IARS2: variants seen among roughly 807,000 people sequenced by gnomAD.
The protein encoded by IARS2 is isoleucine--tRNA ligase, mitochondrial.
Under a neutral mutation model 126.3 loss-of-function variants are expected in IARS2, and 56 were observed. That is an observed-to-expected ratio of 0.44 (90% CI 0.36 to 0.55). The LOEUF (loss-of-function observed/expected upper bound fraction) is 0.55. Among genes scored for constraint, IARS2 ranks in the 20% least tolerant of loss-of-function variants. The pLI is 0.00. For synonymous variants in IARS2, 407 were observed against 441.1 expected (o/e 0.92, Z 0.97); for missense variants, 1,127 against 1,245.9 (o/e 0.90, Z 1.44).
intron 1 of IARS2, 90 bp from the exon 2 acceptor site, chr1:220,096,014 G>A (rs1273746595): frequency 1.4e-6 from 1 of 703,802 alleles, no homozygotes; most frequent in African/African-American, 1.8e-5. Context: ...AATTGGAATG[G>A]AAATAAGCAA....
intron 10 of IARS2, 114 bp downstream of exon 10, chr1:220,107,265 T>C: frequency 1.4e-6 from 1 of 692,116 alleles, no homozygotes. Context: ...ATAAATTATG[T>C]CTTGTTTTGC....
intron 9 of IARS2, among the ~76,000 whole-genome samples, chr1:220,106,569 T>A (rs1656684986): frequency 6.6e-6 from 1 of 152,196 alleles, no homozygotes; most frequent in South Asian, 2.1e-4. Flanking sequence ...ATAACACATT[T>A]TGGCTTTGGT....
At chr1:220,126,229 C>T (rs184202726) in intron 13 of IARS2, among the ~76,000 whole-genome samples, 29 of 152,148 alleles carry the variant, frequency 1.9e-4, no homozygotes, top group African/African-American at 7.0e-4. Context: ...GAGCCGAGAT[C>T]GCGCCATTGC....
At chr1:220,103,605 T>G (rs1323023416) in intron 8 of IARS2, 43 bp downstream of exon 8, 1 of 1,247,650 alleles carries the variant, frequency 8.0e-7, no homozygotes. Flanking sequence ...ATCAAAGTAT[T>G]GGGCTGACTT....
chr1:220,116,626 G>T (rs1253223146), intron 12 of IARS2, among the ~76,000 whole-genome samples: 1 of 152,126 alleles, frequency 6.6e-6, no homozygotes, highest in Non-Finnish European at 1.5e-5. Context: ...TGGATCTGAG[G>T]TAAGACTTTA....
rs1571845860 is a variant in IARS2, at chr1:220,103,534, A to G, written c.1038A>G (p.Thr346=). The G allele has an allele frequency of 3.1e-6, 5 of 1,611,876 alleles. No individual in the cohort carries two copies. The highest frequency in any genetic ancestry group is 1.3e-5 in the African/African-American group (1 of 74,900). The stretch of plus-strand genomic sequence containing the variant: ...CATCTGTTGCTTCTACTTTGGAAAC[A>G]ACATTTGAGACTATTTCAACACTTT... ...KVASVASTLE[T]TFETISTLSG... Residue 346 remains threonine, a synonymous_variant, in exon 8 of 23, where the codon ACA becomes ACG. Transcript: ENST00000366922.
intron 21 of IARS2, among the ~76,000 whole-genome samples, chr1:220,145,083 GAAAA>G (rs111581991): frequency 1.6e-5 from 2 of 124,394 alleles, no homozygotes; most frequent in East Asian, 4.6e-4. Flanking sequence ...AATGATACAT[GAAAA>G]AAAAAAAAAA....
rs756001525 is a variant in IARS2 at position 220,126,760 on chromosome 1, C to A, written c.1754C>A (p.Pro585His). Residue 585 changes from proline to histidine, a missense_variant, in exon 14 of 23, where the codon CCT (proline) becomes CAT (histidine). Transcript: ENST00000366922. Reference sequence around the variant, plus strand: ...GCATTATCTTACTAGGTTGGTGGCCCTGATGCCTTGGAATATGTGCCAGGT... The same window carrying A: ...GCATTATCTTACTAGGTTGGTGGCCATGATGCCTTGGAATATGTGCCAGGT... Reference protein sequence around the residue: ...PKEVLSEVGGPDALEYVPGQD... With the variant: ...PKEVLSEVGGHDALEYVPGQD... 8 of 1,612,906 alleles carry A rather than the reference C, an allele frequency of 5.0e-6. No individual in the cohort carries two copies. The East Asian group carries it at 1.8e-4, about 36-fold the overall frequency.
In IARS2 at chr1:220,107,433, AG is replaced by A. The variant is rs140723606; in HGVS notation, c.1327+285del. Among the ~76,000 whole-genome samples the A allele has an allele frequency of 2.1e-3, 320 of 152,334 alleles. 1 individual carries two copies. Among genetic ancestry groups the A allele is most frequent in the African/African-American group, 6.7e-3 (280 of 41,570 alleles). ...TTTGTGGAAGGATACAATCAAGATC[AG>A]GGCTGGATGTTGACTGTAAATTACA... On this transcript the variant is annotated intron_variant, in intron 10 of 22. Transcript: ENST00000366922.
In IARS2 at chr1:220,101,303, A is replaced by G. The variant is rs1001127991; in HGVS notation, c.550+654A>G. On this transcript the variant is annotated intron_variant, in intron 3 of 22. Coordinates refer to ENST00000366922, the MANE Select transcript of IARS2 (RefSeq NM_018060.4). ...GTATAAAGTCTGGAAAATACAGAAG[A>G]CAGTAATAAAATTTTAACTTTTGCA... is the stretch of plus-strand genomic sequence containing the variant. Among the ~76,000 whole-genome samples, 5 of 152,360 alleles carry G rather than the reference A, an allele frequency of 3.3e-5. No homozygotes were observed. In the East Asian group the frequency reaches 9.6e-4, roughly 29 times the overall value.
Position 220,112,236 on chromosome 1 carries a change from G to A in IARS2, c.1479+1299G>A, listed in dbSNP as rs890587443. Among the ~76,000 whole-genome samples, 2 of 80,628 alleles carry A rather than the reference G, an allele frequency of 2.5e-5. 1 individual carries two copies. The highest frequency in any genetic ancestry group is 1.1e-4 in the African/African-American group (2 of 18,754). The allele number at this position is 80,628 out of a possible 152,430, so 52.9% of individuals were successfully genotyped here. On this transcript the variant is annotated intron_variant, in intron 11 of 22. Coordinates refer to ENST00000366922, the MANE Select transcript of IARS2 (RefSeq NM_018060.4). Reference sequence around the variant, plus strand: ...TGCAAGCTCCGCTTCCCGGGTTCACGCCATTCTCCTGCCTCAGCCTCCCGA... The same window carrying A: ...TGCAAGCTCCGCTTCCCGGGTTCACACCATTCTCCTGCCTCAGCCTCCCGA...
In IARS2 at chr1:220,147,709, A is replaced by G. The variant is rs1657633854; in HGVS notation, c.*74A>G. On this transcript the variant is annotated 3_prime_UTR_variant, in exon 23 of 23. Transcript: ENST00000366922. ...AGTTTGGATGGATTATTTACAATAT[A>G]GGAAAGAAAGCCAAGATTTAGGTAA... 2 of 1,509,332 alleles carry G rather than the reference A, an allele frequency of 1.3e-6. No individual in the cohort carries two copies. Among genetic ancestry groups the G allele is most frequent in the Non-Finnish European group, 1.8e-6 (2 of 1,108,204 alleles). The allele number at this position is 1,509,332 out of a possible 1,614,324, so 93.5% of individuals were successfully genotyped here. A position where few individuals can be genotyped will look rare whatever the true frequency, so the allele number is the denominator to read the frequency against.
chr1:220,106,834 G>C (rs1332803027), intron 9 of IARS2, among the ~76,000 whole-genome samples: 1 of 151,982 alleles, frequency 6.6e-6, no homozygotes, highest in Non-Finnish European at 1.5e-5. Flanking sequence ...GTTTCACCAT[G>C]TTGGCCAGGC....
chr1:220,137,994 T>A lies in IARS2; in HGVS notation c.2126T>A (p.Val709Asp). Reference sequence around the variant, plus strand: ...GCTGATTCCAATGTCTTCACCGAAGTTGCAATTGGCCCATCCGTGCTCAAT... The same window carrying A: ...GCTGATTCCAATGTCTTCACCGAAGATGCAATTGGCCCATCCGTGCTCAAT... ...WVADSNVFTE[V>D]AIGPSVLNAA... The change falls in exon 17 of 23, where the codon GTT becomes GAT. Residue 709 changes from valine (V) to aspartate (D), a missense_variant. Val to Asp is a radical substitution (Grantham distance 152). Coordinates refer to ENST00000366922, the MANE Select transcript of IARS2 (RefSeq NM_018060.4). 1 of 1,614,160 alleles carries A rather than the reference T, an allele frequency of 6.2e-7. No homozygotes were observed. The highest frequency in any genetic ancestry group is 8.5e-7 in the Non-Finnish European group (1 of 1,180,014).
intron 12 of IARS2, among the ~76,000 whole-genome samples, chr1:220,123,030 C>T (rs1330748363): frequency 6.7e-6 from 1 of 149,968 alleles, no homozygotes; most frequent in African/African-American, 2.4e-5. Context: ...TGTAATTGTG[C>T]GTATGTGTCC....
At chr1:220,111,672 T>A (rs1172724592) in intron 11 of IARS2, among the ~76,000 whole-genome samples, 1 of 151,574 alleles carries the variant, frequency 6.6e-6, no homozygotes, top group African/African-American at 2.4e-5. Flanking sequence ...AGCTTAAATA[T>A]ATATGTGTTA....
At position 220,123,623 on chromosome 1, in the gene IARS2, G is replaced by A. The variant is rs190100932; in HGVS notation, c.1641-1614G>A. On this transcript the variant is annotated intron_variant, in intron 12 of 22. Transcript: ENST00000366922. ...CAGGTAGCTGGGACTACAGGCGCCC[G>A]CCACCATGCCCGGCTAATTTTTTTG... Among the ~76,000 whole-genome samples the A allele has an allele frequency of 1.5e-3, 227 of 152,118 alleles. 1 individual carries two copies. The highest frequency in any genetic ancestry group is 4.7e-3 in the African/African-American group (197 of 41,516).
In IARS2 at chr1:220,096,243, T is replaced by G; in HGVS notation, c.390+17T>G. The G allele has an allele frequency of 6.6e-7, 1 of 1,510,050 alleles. No individual in the cohort carries two copies. Among genetic ancestry groups the G allele is most frequent in the Non-Finnish European group, 8.9e-7 (1 of 1,119,492 alleles). The allele number at this position is 1,510,050 out of a possible 1,614,324, so 93.5% of individuals were successfully genotyped here. Reference sequence around the variant, plus strand: ...TTAAATAAGGTAACTATAATTTAGGTTATGACACTTGAAAGAAAGTGTTTA... The same window carrying G: ...TTAAATAAGGTAACTATAATTTAGGGTATGACACTTGAAAGAAAGTGTTTA... On this transcript the variant is annotated intron_variant, in intron 2 of 22. Transcript: ENST00000366922.
chr1:220,143,088 A>C lies in IARS2; in HGVS notation c.2705A>C (p.Lys902Thr). The change falls in exon 21 of 23, where the codon AAG (lysine) becomes ACG (threonine). Residue 902 changes from lysine to threonine, a missense_variant. Physicochemically the swap from Lys to Thr is moderately conservative, Grantham distance 78 (BLOSUM62 -1). Coordinates refer to ENST00000366922, the MANE Select transcript of IARS2 (RefSeq NM_018060.4). ...CCTGGCAAAAATGCAGCTGAGTACA[A>C]GGTTATCACTGTGATAGAACCTGGA... ...SIPGKNAAEY[K>T]VITVIEPGLL... 1 of 1,614,106 alleles carries C rather than the reference A, an allele frequency of 6.2e-7. No homozygotes were observed. The highest frequency in any genetic ancestry group is 1.3e-5 in the African/African-American group (1 of 75,050).
Sources: gnomAD v4.1 joint callset for allele counts (sites outside exome capture counted in the v4.1 genomes callset) on GRCh38, gnomAD v4.1.1 for gene constraint, MANE v1.5 for transcripts, NCBI Gene and HGNC (gene_info 2026-07-23, HGNC 2026-07-21) for gene names.